Variants in NOL10 observed in about 807,000 individuals in gnomAD.
NOL10 encodes nucleolar protein 10.
NOL10 carries 58 observed loss-of-function variants against 103.5 expected under a neutral mutation model. The observed-to-expected ratio is 0.56, with a 90% CI of 0.45 to 0.70. The LOEUF (loss-of-function observed/expected upper bound fraction) is 0.70. Ranked by LOEUF, NOL10 falls within the 30% of genes least tolerant of loss-of-function variation. NOL10 has a pLI of 0.00. For synonymous variants in NOL10, 287 were observed against 282.5 expected (o/e 1.02, Z -0.16); for missense variants, 763 against 807.3 (o/e 0.95, Z 0.67).
At position 10,684,892 on chromosome 2, in the gene NOL10, C is replaced by T. The variant is rs1038607885; in HGVS notation, c.67-280G>A. Among the ~76,000 whole-genome samples, 7 of 152,150 alleles carry T rather than the reference C, an allele frequency of 4.6e-5. No individual in the cohort carries two copies. In the South Asian group the frequency reaches 1.5e-3, roughly 32 times the overall value. On this transcript the variant is annotated intron_variant, in intron 1 of 20. Coordinates refer to ENST00000381685, the MANE Select transcript of NOL10 (RefSeq NM_024894.4). Reference sequence around the variant, plus strand: ...TTGCCCAGTCTATAGTACAATGATGCGATGTGACTGTAGCTCACCGAAGGC... The same window carrying T: ...TTGCCCAGTCTATAGTACAATGATGTGATGTGACTGTAGCTCACCGAAGGC...
intron 12 of NOL10, among the ~76,000 whole-genome samples, chr2:10,651,374 T>C (rs996239361): frequency 1.3e-5 from 2 of 152,210 alleles, no homozygotes; most frequent in Non-Finnish European, 2.9e-5. Flanking sequence ...GGAAAGAGCA[T>C]GTGAACCACA....
chr2:10,593,769 G>A (rs1184673367), intron 17 of NOL10, among the ~76,000 whole-genome samples: 1 of 152,150 alleles, frequency 6.6e-6, no homozygotes, highest in Non-Finnish European at 1.5e-5. Flanking sequence ...CCACAAGGAG[G>A]GGAGGGCAAG....
chr2:10,596,620 T>C (rs1675708588), intron 17 of NOL10, among the ~76,000 whole-genome samples: 3 of 152,058 alleles, frequency 2.0e-5, no homozygotes, highest in African/African-American at 7.2e-5. Context: ...TGGCTGTAAA[T>C]ACAGATGAAG....
At chr2:10,602,421 C>T (rs868701376) in intron 16 of NOL10, among the ~76,000 whole-genome samples, 5 of 152,272 alleles carry the variant, frequency 3.3e-5, no homozygotes, top group South Asian at 4.2e-4. Context: ...GCCTAAGATA[C>T]GGCCAAAGGT....
intron 19 of NOL10, among the ~76,000 whole-genome samples, chr2:10,587,275 A>ATATTTTTTTTTTT (rs1280231319): frequency 1.3e-4 from 3 of 22,566 alleles, no homozygotes; most frequent in African/African-American, 5.7e-4. Flanking sequence ...ATATATATAT[A>ATATTTTTTTTTTT]TTTTTTTTTT....
chr2:10,586,177 A>C (rs1675014540), intron 19 of NOL10, among the ~76,000 whole-genome samples: 1 of 152,270 alleles, frequency 6.6e-6, no homozygotes, highest in Non-Finnish European at 1.5e-5. Flanking sequence ...TGGGGTGATG[A>C]CAATGTTCTA....
intron 12 of NOL10, among the ~76,000 whole-genome samples, chr2:10,648,827 T>C (rs1317286730): frequency 6.6e-6 from 1 of 152,080 alleles, no homozygotes; most frequent in Non-Finnish European, 1.5e-5. Flanking sequence ...GCCTGATCTT[T>C]GAAAAGTCAA....
At chr2:10,669,819 G>A (rs1318182889) in intron 6 of NOL10, among the ~76,000 whole-genome samples, 3 of 151,858 alleles carry the variant, frequency 2.0e-5, no homozygotes, top group Non-Finnish European at 4.4e-5. Context: ...TTGAACCTGG[G>A]AGGTGGAGGT....
chr2:10,589,026 C>T lies in NOL10; in HGVS notation c.1844+17G>A. 1 of 1,612,314 alleles carries T rather than the reference C, an allele frequency of 6.2e-7. No individual in the cohort carries two copies. Among genetic ancestry groups the T allele is most frequent in the East Asian group, 2.2e-5 (1 of 44,884 alleles). Reference sequence around the variant, plus strand: ...CTTGGTTACATGTCAACTGTGCGCTCAGGCAGTGCTACTCACTTCATCAGT... The same window carrying T: ...CTTGGTTACATGTCAACTGTGCGCTTAGGCAGTGCTACTCACTTCATCAGT... On this transcript the variant is annotated intron_variant, in intron 19 of 20. Coordinates refer to ENST00000381685, the MANE Select transcript of NOL10 (RefSeq NM_024894.4).
chr2:10,608,579 T>C (rs1001304495), intron 13 of NOL10, among the ~76,000 whole-genome samples: 2 of 152,178 alleles, frequency 1.3e-5, no homozygotes, highest in African/African-American at 4.8e-5. Flanking sequence ...TTAACCTGTT[T>C]ATTTCAGTAG....
intron 3 of NOL10, among the ~76,000 whole-genome samples, chr2:10,679,689 G>A (rs1295154797): frequency 2.0e-5 from 3 of 151,748 alleles, no homozygotes; most frequent in Non-Finnish European, 4.4e-5. Flanking sequence ...GCAGTGGCGC[G>A]ATCCTGGCTT....
chr2:10,586,527 A>T (rs1021023954), intron 19 of NOL10, among the ~76,000 whole-genome samples: 2 of 152,236 alleles, frequency 1.3e-5, no homozygotes, highest in Admixed American at 6.5e-5. Flanking sequence ...TTGGCCCTTG[A>T]ATGACATGGG....
At chr2:10,678,740 G>A (rs941546728) in intron 3 of NOL10, among the ~76,000 whole-genome samples, 9 of 152,100 alleles carry the variant, frequency 5.9e-5, no homozygotes, top group Admixed American at 3.3e-4. Flanking sequence ...GATAGATACC[G>A]AGATTGAAAG....
chr2:10,647,682 C>A (rs1000413346), intron 12 of NOL10, among the ~76,000 whole-genome samples: 58 of 151,998 alleles, frequency 3.8e-4, no homozygotes, highest in African/African-American at 1.4e-3. Flanking sequence ...GCGCTCCTGC[C>A]CTATTTAGAA....
At chr2:10,599,816 A>C (rs1166927402) in intron 17 of NOL10, among the ~76,000 whole-genome samples, 2 of 152,152 alleles carry the variant, frequency 1.3e-5, no homozygotes, top group Non-Finnish European at 2.9e-5. Flanking sequence ...TACAGATGAA[A>C]AAACTGTGAC....
In NOL10 at chr2:10,576,853, T is replaced by C. The variant is rs573401466; in HGVS notation, c.1947+783A>G. ...GAATTGTACACTTTAAAAGGATGCA[T>C]ATGGTCTGTGAATTATATCTCAATT... is the stretch of plus-strand genomic sequence containing the variant. On this transcript the variant is annotated intron_variant, in intron 20 of 20. Coordinates refer to ENST00000381685, the MANE Select transcript of NOL10 (RefSeq NM_024894.4). 1.3e-4 allele frequency among the ~76,000 whole-genome samples: 20 copies of C among 152,206 alleles called. No individual in the cohort carries two copies. The South Asian group carries it at 4.2e-3, about 32-fold the overall frequency.
intron 3 of NOL10, among the ~76,000 whole-genome samples, 164 bp from the exon 4 acceptor site, chr2:10,676,035 A>C (rs1336132789): frequency 6.6e-6 from 1 of 152,248 alleles, no homozygotes; most frequent in Non-Finnish European, 1.5e-5. Flanking sequence ...CCAAGGAAAA[A>C]CTGAGCAAAA....
At chr2:10,583,564 A>C (rs971327574) in intron 19 of NOL10, among the ~76,000 whole-genome samples, 1 of 152,218 alleles carries the variant, frequency 6.6e-6, no homozygotes, top group Non-Finnish European at 1.5e-5. Context: ...TTTTAGCCTT[A>C]AACCTATTTT....
At chr2:10,670,092 G>C (rs1004890057) in intron 6 of NOL10, among the ~76,000 whole-genome samples, 1 of 151,848 alleles carries the variant, frequency 6.6e-6, no homozygotes, top group Non-Finnish European at 1.5e-5. Context: ...AGAATAAAAA[G>C]TTTTGAAATA....
Sources: allele counts gnomAD v4.1 joint callset (sites outside exome capture counted in the v4.1 genomes callset), GRCh38; gene constraint gnomAD v4.1.1; transcripts MANE v1.5; gene names NCBI Gene and HGNC (gene_info 2026-07-23, HGNC 2026-07-21).